Variants in PDPN observed in about 807,000 individuals in gnomAD.
The protein encoded by PDPN is PA2.26 antigen.
PDPN carries 12 observed loss-of-function variants against 23.2 expected under a neutral mutation model. The observed-to-expected ratio is 0.52, with a 90% CI of 0.33 to 0.84. PDPN has a LOEUF of 0.84. Ranked by LOEUF, PDPN falls within the 40% of genes least tolerant of loss-of-function variation. The probability of loss-of-function intolerance (pLI) is 0.02; values close to 1 mark genes in which losing one functional copy is unlikely to be tolerated. For synonymous variants in PDPN, 77 were observed against 76.7 expected, an observed-to-expected ratio of 1.00 and a Z score of -0.02; for missense variants, 199 against 212.2, an observed-to-expected ratio of 0.94 and a Z score of 0.39.
In PDPN at chr1:13,611,216, G is replaced by A. The variant is rs745407445; in HGVS notation, c.331+700G>A. Among the ~76,000 whole-genome samples the A allele has an allele frequency of 7.8e-5, 10 of 127,492 alleles. 1 individual carries two copies. The East Asian group carries it at 8.3e-4, about 11-fold the overall frequency. The allele number at this position is 127,492 out of a possible 152,430, so 83.6% of individuals were successfully genotyped here. On this transcript the variant is annotated intron_variant, in intron 3 of 5. Transcript: ENST00000621990. ...AACCTGGGCGACAGTGCGAGAATCCGTCTCAAAAAAAAAAACAAAACAAAA... is the reference window on the plus strand; with the variant it reads ...AACCTGGGCGACAGTGCGAGAATCCATCTCAAAAAAAAAAACAAAACAAAA...
At chr1:13,588,674 A>G (rs904163176) in intron 1 of PDPN, among the ~76,000 whole-genome samples, 1 of 103,464 alleles carries the variant, frequency 9.7e-6, no homozygotes, top group Non-Finnish European at 2.0e-5. Context: ...TATAAAATAT[A>G]TATATAATAT....
intron 1 of PDPN, among the ~76,000 whole-genome samples, chr1:13,586,820 G>A (rs915336605): frequency 1.3e-5 from 2 of 148,810 alleles, no homozygotes; most frequent in South Asian, 2.1e-4. Context: ...GTGAGGGGCC[G>A]AGGCGGGCGG....
intron 1 of PDPN, among the ~76,000 whole-genome samples, chr1:13,585,287 C>A (rs1022918939): frequency 6.6e-6 from 1 of 152,184 alleles, no homozygotes; most frequent in East Asian, 1.9e-4. Flanking sequence ...TCCACACAGA[C>A]AAAAATACCC....
intron 1 of PDPN, among the ~76,000 whole-genome samples, chr1:13,597,443 A>T (rs982765689): frequency 1.3e-5 from 2 of 152,214 alleles, no homozygotes; most frequent in African/African-American, 4.8e-5. Flanking sequence ...AAAAATCAGC[A>T]TCACCAGTTC....
chr1:13,594,963 C>T (rs1640452303), intron 1 of PDPN, among the ~76,000 whole-genome samples: 1 of 150,738 alleles, frequency 6.6e-6, no homozygotes, highest in South Asian at 2.1e-4. Flanking sequence ...CCACTGCACT[C>T]CAGCCTGGGC....
At chr1:13,615,859 C>A (rs773440772) in intron 5 of PDPN, 46 bp from the exon 6 acceptor site, 2 of 1,589,028 alleles carry the variant, frequency 1.3e-6, no homozygotes, top group Non-Finnish European at 1.7e-6. Context: ...TTACTATTCA[C>A]AATGCCAGTA....
intron 1 of PDPN, among the ~76,000 whole-genome samples, chr1:13,596,556 G>A (rs923161560): frequency 8.5e-5 from 13 of 152,210 alleles, no homozygotes; most frequent in African/African-American, 2.9e-4. Context: ...TTGAAGTTGA[G>A]GGCACACAGC....
At chr1:13,590,585 G>A (rs1411685148) in intron 1 of PDPN, among the ~76,000 whole-genome samples, 2 of 152,144 alleles carry the variant, frequency 1.3e-5, no homozygotes, top group Non-Finnish European at 2.9e-5. Flanking sequence ...TTGAACAAAT[G>A]CATGGAAATT....
At chr1:13,601,964 TGCGGTGGCTC>T (rs1640651607) in intron 1 of PDPN, among the ~76,000 whole-genome samples, 1 of 150,514 alleles carries the variant, frequency 6.6e-6, no homozygotes, top group Non-Finnish European at 1.5e-5. Context: ...GTAGGCCGGG[TGCGGTGGCTC>T]ATGCCTTTGG....
chr1:13,605,790 T>C (rs1001779324), intron 1 of PDPN, among the ~76,000 whole-genome samples: 10 of 152,074 alleles, frequency 6.6e-5, no homozygotes, highest in African/African-American at 2.2e-4. Context: ...GCCCAGCTAA[T>C]TTTTGTATTT....
chr1:13,606,991 G>A (rs879279926), intron 1 of PDPN, among the ~76,000 whole-genome samples, 182 bp from the exon 2 acceptor site: 8 of 151,480 alleles, frequency 5.3e-5, no homozygotes, highest in Non-Finnish European at 8.8e-5. Flanking sequence ...GTGTTGATGT[G>A]TCAGAAGTGC....
intron 1 of PDPN, among the ~76,000 whole-genome samples, chr1:13,592,665 T>G (rs1640379696): frequency 1.3e-5 from 2 of 150,092 alleles, no homozygotes; most frequent in African/African-American, 4.9e-5. Flanking sequence ...TTCTCCTGCC[T>G]CAGCCTCCGA....
intron 1 of PDPN, among the ~76,000 whole-genome samples, chr1:13,604,388 C>T (rs1640727751): frequency 6.6e-6 from 1 of 152,154 alleles, no homozygotes; most frequent in East Asian, 1.9e-4. Flanking sequence ...TCAGCTTTCC[C>T]ATGGAGCAAA....
chr1:13,583,854 C>G lies in PDPN; in HGVS notation c.-180C>G, dbSNP rs746026348. ...CTCAACTGCAAAGTTTGCTGTCCGG[C>G]TGCCTAGGGTCTGGGAAGCTCGGGC... is the stretch of plus-strand genomic sequence containing the variant. On this transcript the variant is annotated 5_prime_UTR_variant, in exon 1 of 6. Transcript: ENST00000621990. The G allele has an allele frequency of 3.8e-6, 6 of 1,586,180 alleles. No individual in the cohort carries two copies. Among genetic ancestry groups the G allele is most frequent in the Non-Finnish European group, 4.3e-6 (5 of 1,167,474 alleles).
chr1:13,598,548 G>A (rs1348507917), intron 1 of PDPN, among the ~76,000 whole-genome samples: 1 of 152,052 alleles, frequency 6.6e-6, no homozygotes, highest in Non-Finnish European at 1.5e-5. Flanking sequence ...TGGCCTCTGG[G>A]ACTCAACTGA....
At position 13,614,950 on chromosome 1, in the gene PDPN, CTTG is replaced by C. The variant is rs1330331820; in HGVS notation, c.482+542_482+544del. On this transcript the variant is annotated intron_variant, in intron 5 of 5. Coordinates refer to ENST00000621990, the MANE Select transcript of PDPN (RefSeq NM_006474.5). ...GTTGAGATCTGACCACATTTGATCT[CTTG>C]TTTTAATTTTCCAACTAACTGAACT... 8 of 377,836 alleles carry C rather than the reference CTTG, an allele frequency of 2.1e-5. No homozygotes were observed. In the Admixed American group the frequency reaches 3.0e-4, roughly 14 times the overall value. The allele number at this position is 377,836 out of a possible 1,614,324, so 23.4% of individuals were successfully genotyped here. A position where few individuals can be genotyped will look rare whatever the true frequency, so the allele number is the denominator to read the frequency against.
chr1:13,596,014 A>G, intron 1 of PDPN: 1 of 425,654 alleles, frequency 2.3e-6, no homozygotes, highest in Non-Finnish European at 4.2e-6. Flanking sequence ...CCTGGTCAAC[A>G]TGATGAAATC....
intron 1 of PDPN, among the ~76,000 whole-genome samples, chr1:13,605,300 G>C (rs1172511155): frequency 6.6e-6 from 1 of 152,166 alleles, no homozygotes; most frequent in Non-Finnish European, 1.5e-5. Context: ...ACAAACATCT[G>C]CTCTTTCATT....
At position 13,616,088 on chromosome 1, in the gene PDPN, G is replaced by A; in HGVS notation, c.*177G>A. ...TAACCGAAGGAAAGACCGTTCACCA[G>A]ACTTGGCTCCTCTAAACATTTGCTG... On this transcript the variant is annotated 3_prime_UTR_variant, in exon 6 of 6. Coordinates refer to ENST00000621990, the MANE Select transcript of PDPN (RefSeq NM_006474.5). 8 of 631,350 alleles carry A rather than the reference G, an allele frequency of 1.3e-5. No homozygotes were observed. Among genetic ancestry groups the A allele is most frequent in the Non-Finnish European group, 2.3e-5 (8 of 349,022 alleles). 39.1% of individuals were successfully genotyped at this position (631,350 alleles called of 1,614,324 possible).
Sources: gnomAD v4.1 joint callset for allele counts (sites outside exome capture counted in the v4.1 genomes callset) on GRCh38, gnomAD v4.1.1 for gene constraint, MANE v1.5 for transcripts, NCBI Gene and HGNC (gene_info 2026-07-23, HGNC 2026-07-21) for gene names.